ACTA2: variants seen among roughly 807,000 people sequenced by gnomAD.
ACTA2 encodes the protein actin, aortic smooth muscle.
A neutral mutation model predicts 39.5 loss-of-function variants in ACTA2; 12 were observed. That is an observed-to-expected ratio of 0.30 (90% confidence interval 0.19 to 0.49). The LOEUF (loss-of-function observed/expected upper bound fraction) is 0.49. Among genes scored for constraint, ACTA2 ranks in the 20% least tolerant of loss-of-function variants. ACTA2 has a pLI of 0.99. For synonymous variants in ACTA2, 158 were observed against 180.6 expected (o/e 0.88, Z 1.00); for missense variants, 236 against 498.8 (o/e 0.47, Z 5.02).
intron 8 of ACTA2, among the ~76,000 whole-genome samples, chr10:88,937,124 C>G (rs1845756744): frequency 6.8e-6 from 1 of 146,230 alleles, no homozygotes; most frequent in Admixed American, 6.7e-5. Context: ...TGTTGGAAAA[C>G]AGTCTCTCTT....
In ACTA2 at chr10:88,941,781, C is replaced by T. The variant is rs1282359692; in HGVS notation, c.454+4G>A. On this transcript the variant is annotated splice_donor_region_variant and intron_variant, in intron 5 of 8. Coordinates refer to ENST00000224784, the MANE Select transcript of ACTA2 (RefSeq NM_001613.4). Reference sequence around the variant, plus strand: ...CCAGCTTGCTGTCCCGCCCAGCCACCTACCAGTTGTGCGTCCAGAGGCATA... The same window carrying T: ...CCAGCTTGCTGTCCCGCCCAGCCACTTACCAGTTGTGCGTCCAGAGGCATA... The T allele has an allele frequency of 6.2e-7, 1 of 1,610,702 alleles. No individual in the cohort carries two copies. The highest frequency in any genetic ancestry group is 1.1e-5 in the South Asian group (1 of 90,378).
intron 3 of ACTA2, among the ~76,000 whole-genome samples, chr10:88,946,586 T>A (rs1419233203): frequency 6.6e-6 from 1 of 151,748 alleles, no homozygotes; most frequent in East Asian, 1.9e-4. Flanking sequence ...AGAGACAGGA[T>A]CTTACTATGT....
intron 8 of ACTA2, 177 bp from the exon 9 acceptor site, chr10:88,935,543 C>A: frequency 1.6e-6 from 1 of 636,878 alleles, no homozygotes; most frequent in South Asian, 1.8e-5. Context: ...GCAGGACCGC[C>A]AGAGGGAGCC....
chr10:88,947,300 C>T lies in ACTA2; in HGVS notation c.216G>A (p.Pro72=), dbSNP rs181255627. 37 of 1,613,930 alleles carry T rather than the reference C, an allele frequency of 2.3e-5. 1 individual carries two copies. The Admixed American group carries it at 3.5e-4, about 15-fold the overall frequency. The part of the protein sequence containing the change: ...SKRGILTLKY[P]IEHGIITNWD... ...AGTTGGTGATGATGCCATGTTCTAT[C>T]GGGTACTTCAGGGTCAGGATTCCTC... Residue 72 remains proline (P), a synonymous_variant, in exon 3 of 9, where the codon CCG becomes CCA. Coordinates refer to ENST00000224784, the MANE Select transcript of ACTA2 (RefSeq NM_001613.4).
intron 1 of ACTA2, among the ~76,000 whole-genome samples, chr10:88,970,098 C>A (rs1321998462): frequency 6.6e-6 from 1 of 152,150 alleles, no homozygotes; most frequent in Non-Finnish European, 1.5e-5. Flanking sequence ...AATATTCAAG[C>A]AGTCCATAAA....
chr10:88,949,542 A>T (rs919995800), intron 1 of ACTA2, among the ~76,000 whole-genome samples: 16 of 152,208 alleles, frequency 1.1e-4, no homozygotes, highest in Non-Finnish European at 2.2e-4. Flanking sequence ...AAGCTTTGAA[A>T]TAAAATTTTC....
Position 88,939,548 on chromosome 10 carries a change from C to T in ACTA2, c.767G>A (p.Arg256His), listed in dbSNP as rs766734961. The T allele has an allele frequency of 1.9e-6, 3 of 1,613,980 alleles. No homozygotes were observed. Among genetic ancestry groups the T allele is most frequent in the Non-Finnish European group, 2.5e-6 (3 of 1,179,974 alleles). ...GAACAGGGTCTCTGGGCAGCGGAAACGTTCATTTCCGATGGTGATCACTTG... is the reference window on the plus strand; with the variant it reads ...GAACAGGGTCTCTGGGCAGCGGAAATGTTCATTTCCGATGGTGATCACTTG... ...DGQVITIGNE[R>H]FRCPETLFQP... The change falls in exon 7 of 9, where the codon CGT (arginine) becomes CAT (histidine). Residue 256 changes from arginine (R) to histidine (H), a missense_variant. Arg to His is a conservative substitution (Grantham distance 29). Transcript: ENST00000224784.
chr10:88,958,667 A>T (rs1400076477), intron 1 of ACTA2, among the ~76,000 whole-genome samples: 1 of 152,154 alleles, frequency 6.6e-6, no homozygotes, highest in Non-Finnish European at 1.5e-5. Context: ...TGCCTCATGA[A>T]AGCCTGGGCA....
At chr10:88,960,346 C>G (rs1846205921) in intron 1 of ACTA2, among the ~76,000 whole-genome samples, 1 of 152,162 alleles carries the variant, frequency 6.6e-6, no homozygotes, top group Admixed American at 6.6e-5. Flanking sequence ...ACATGGTGAA[C>G]TGGCGGATTT....
In ACTA2 at chr10:88,939,486, A is replaced by G. The variant is rs778058809; in HGVS notation, c.808+21T>C. The G allele has an allele frequency of 6.2e-6, 10 of 1,612,138 alleles. No homozygotes were observed. In the East Asian group the frequency reaches 1.3e-4, roughly 22 times the overall value. On this transcript the variant is annotated intron_variant, in intron 7 of 8. Transcript: ENST00000224784. ...GAAGACAATGACTCCCCTTCCCAGG[A>G]AAAGGGCGTTTGTTGCCTACCGATG... is the stretch of plus-strand genomic sequence containing the variant.
At chr10:88,962,965 ATATATATATAT>A (rs1564653506) in intron 1 of ACTA2, among the ~76,000 whole-genome samples, 25 of 39,924 alleles carry the variant, frequency 6.3e-4, no homozygotes, top group Non-Finnish European at 9.3e-4. Context: ...ATATATATAT[ATATATATATAT>A]AATATTTTTT....
At chr10:88,938,964 C>T (rs1283610619) in intron 7 of ACTA2, among the ~76,000 whole-genome samples, 2 of 152,084 alleles carry the variant, frequency 1.3e-5, no homozygotes, top group Non-Finnish European at 2.9e-5. Flanking sequence ...TCACAGCCAT[C>T]CTAGGACATA....
intron 8 of ACTA2, among the ~76,000 whole-genome samples, chr10:88,937,402 C>T (rs781348065): frequency 1.3e-5 from 2 of 152,110 alleles, no homozygotes; most frequent in Non-Finnish European, 2.9e-5. Flanking sequence ...TGAGAAGTGA[C>T]CCAGCCACAG....
At chr10:88,943,160 TA>T (rs1845886720) in intron 4 of ACTA2, among the ~76,000 whole-genome samples, 1 of 152,242 alleles carries the variant, frequency 6.6e-6, no homozygotes, top group African/African-American at 2.4e-5. Flanking sequence ...TGTTATTTAA[TA>T]GCTCTTCCAA....
chr10:88,943,427 C>T (rs989321903), intron 4 of ACTA2, among the ~76,000 whole-genome samples: 1 of 152,180 alleles, frequency 6.6e-6, no homozygotes, highest in African/African-American at 2.4e-5. Flanking sequence ...TTTAAGGTCA[C>T]ATAACTGATA....
chr10:88,942,504 G>A (rs1845874077), intron 4 of ACTA2, among the ~76,000 whole-genome samples: 1 of 152,216 alleles, frequency 6.6e-6, no homozygotes, highest in South Asian at 2.1e-4. Context: ...CAGTGGGAGA[G>A]GCCCTGGTTC....
At chr10:88,973,407 A>G in intron 1 of ACTA2, 1 of 1,321,312 alleles carries the variant, frequency 7.6e-7, no homozygotes, top group Non-Finnish European at 9.9e-7. Context: ...TCCCGATGAA[A>G]ACAACTCTTT....
chr10:88,949,002 G>T, intron 1 of ACTA2, 49 bp from the exon 2 acceptor site: 1 of 1,602,328 alleles, frequency 6.2e-7, no homozygotes, highest in Non-Finnish European at 8.5e-7. Context: ...GGGCATTTGT[G>T]GCACTTACCT....
chr10:88,955,356 C>A (rs988405300), upstream of ACTA2, among the ~76,000 whole-genome samples: 1 of 152,244 alleles, frequency 6.6e-6, no homozygotes, highest in East Asian at 1.9e-4. Flanking sequence ...TTTTTCTAGA[C>A]TGATCATATG....
Sources: allele counts gnomAD v4.1 joint callset (sites outside exome capture counted in the v4.1 genomes callset), GRCh38; gene constraint gnomAD v4.1.1; transcripts MANE v1.5; gene names NCBI Gene and HGNC (gene_info 2026-07-23, HGNC 2026-07-21).